Variants in VPS13D observed in about 807,000 individuals in gnomAD.
The protein encoded by VPS13D is intermembrane lipid transfer protein VPS13D.
Under a neutral mutation model 461.9 loss-of-function variants are expected in VPS13D, and 187 were observed. That is an observed-to-expected ratio of 0.40 (90% CI 0.36 to 0.46). The LOEUF is 0.46. Among genes scored for constraint, VPS13D ranks in the 20% least tolerant of loss-of-function variants. The pLI, the probability that VPS13D is intolerant of heterozygous loss-of-function variation, is 0.60. For missense variants in VPS13D, 4,711 were observed against 5,364.9 expected (o/e 0.88, Z 3.81); for synonymous variants, 1,951 against 1,986.3 (o/e 0.98, Z 0.47).
chr1:12,288,382 A>G, intron 22 of VPS13D, 69 bp downstream of exon 22: 1 of 1,375,776 alleles, frequency 7.3e-7, no homozygotes, highest in East Asian at 2.3e-5. Flanking sequence ...TGTGATCACA[A>G]ATTGATTGTC....
intron 67 of VPS13D, among the ~76,000 whole-genome samples, chr1:12,467,256 C>T (rs1021987921): frequency 6.6e-6 from 1 of 152,208 alleles, no homozygotes; most frequent in Non-Finnish European, 1.5e-5. Flanking sequence ...ACTGCATCCT[C>T]CACCTCCCGG....
chr1:12,275,791 A>G lies in VPS13D; in HGVS notation c.2237-34A>G, dbSNP rs771134390. 5 of 1,526,992 alleles carry G rather than the reference A, an allele frequency of 3.3e-6. No homozygotes were observed. In the South Asian group the frequency reaches 6.5e-5, roughly 20 times the overall value. The allele number at this position is 1,526,992 out of a possible 1,614,324, so 94.6% of individuals were successfully genotyped here. A position where few individuals can be genotyped will look rare whatever the true frequency, so the allele number is the denominator to read the frequency against. On this transcript the variant is annotated intron_variant, in intron 18 of 69. Coordinates refer to ENST00000620676, the MANE Select transcript of VPS13D (RefSeq NM_015378.4). Reference sequence around the variant, plus strand: ...AAGGGAAAGAGGAGGGAAATAGCAGACATATATTTGAATCTTCTTTTTTTT... The same window carrying G: ...AAGGGAAAGAGGAGGGAAATAGCAGGCATATATTTGAATCTTCTTTTTTTT...
rs141897147 is a variant in VPS13D at position 12,253,754 on chromosome 1, C to T, written c.597C>T (p.Asp199=). 3.7e-5 allele frequency: 59 copies of T among 1,613,968 alleles called. No individual in the cohort carries two copies. Among genetic ancestry groups the T allele is most frequent in the Non-Finnish European group, 4.3e-5 (51 of 1,179,992 alleles). ...AACTAATGCGGAAAAAGCAATTAGA[C>T]GTAGCAGAATTTAGCATCTATTGGG... ...VQKLMRKKQL[D]VAEFSIYWDV... Residue 199 remains aspartate (D), a synonymous_variant, in exon 7 of 70, where the codon GAC becomes GAT. Transcript: ENST00000620676.
chr1:12,266,858 A>G, intron 13 of VPS13D, 23 bp from the exon 14 acceptor site: 1 of 1,529,730 alleles, frequency 6.5e-7, no homozygotes, highest in African/African-American at 1.4e-5. Flanking sequence ...CATTGTATCA[A>G]CTATTTTATT....
Position 12,276,509 on chromosome 1 carries a change from ACATTTCTGTGCTCAAGGTGTTTGGTAC to A in VPS13D, c.2924_2950del (p.Ile975_Thr983del). The A allele has an allele frequency of 6.2e-7, 1 of 1,614,182 alleles. No individual in the cohort carries two copies. The highest frequency in any genetic ancestry group is 8.5e-7 in the Non-Finnish European group (1 of 1,180,032). On this transcript the variant is annotated inframe_deletion, in exon 19 of 70. Transcript: ENST00000620676. The surrounding 1 kb of genome is among the most constrained non-coding windows in gnomAD (Gnocchi z 4.5). Reference sequence around the variant, plus strand: ...CTTGGTGTTGAGAGCAATGGCCGGTACATTTCTGTGCTCAAGGTGTTTGGTACCAATGCTCACTTTGTGAAGAGGCCT... The same window carrying A: ...CTTGGTGTTGAGAGCAATGGCCGGTACAATGCTCACTTTGTGAAGAGGCCT...
At chr1:12,452,505 T>A (rs1255961168) in intron 65 of VPS13D, among the ~76,000 whole-genome samples, 1 of 152,250 alleles carries the variant, frequency 6.6e-6, no homozygotes, top group Non-Finnish European at 1.5e-5. Context: ...ACAGCCCACT[T>A]GTTTTCTGCT....
rs777743942 is a variant in VPS13D, at chr1:12,329,816, G to A, written c.8198-13G>A. 1.2e-6 allele frequency: 2 copies of A among 1,613,222 alleles called. No homozygotes were observed. The highest frequency in any genetic ancestry group is 1.7e-6 in the Non-Finnish European group (2 of 1,179,344). On this transcript the variant is annotated splice_polypyrimidine_tract_variant and intron_variant, in intron 36 of 69. Coordinates refer to ENST00000620676, the MANE Select transcript of VPS13D (RefSeq NM_015378.4). ...CTGCCCTGCCGCTGCAGTAAGGTTT[G>A]CTTTCATTGCAGGTCTGAATTTTCT...
At chr1:12,458,138 C>T (rs1244838872) in intron 66 of VPS13D, among the ~76,000 whole-genome samples, 1 of 152,166 alleles carries the variant, frequency 6.6e-6, no homozygotes, top group African/African-American at 2.4e-5. Flanking sequence ...TACAGCCTCT[C>T]CAGGAGCCAA....
intron 67 of VPS13D, among the ~76,000 whole-genome samples, chr1:12,490,497 G>A (rs1486783874): frequency 3.3e-5 from 5 of 152,358 alleles, no homozygotes; most frequent in East Asian, 3.9e-4. Context: ...TCTGTTTATG[G>A]AGAAGAAATG....
chr1:12,394,192 T>C (rs1033547295), intron 60 of VPS13D, among the ~76,000 whole-genome samples: 1 of 152,162 alleles, frequency 6.6e-6, no homozygotes, highest in Non-Finnish European at 1.5e-5. Context: ...GTCTGTAAAC[T>C]GGCTCAAGTC....
rs780184898 is a variant in VPS13D at position 12,403,981 on chromosome 1, G to A, written c.12030+8G>A. The A allele has an allele frequency of 6.4e-7, 1 of 1,568,076 alleles. No individual in the cohort carries two copies. Among genetic ancestry groups the A allele is most frequent in the South Asian group, 1.2e-5 (1 of 83,080 alleles). On this transcript the variant is annotated splice_region_variant and intron_variant, in intron 63 of 69. Transcript: ENST00000620676. ...CTCCCATTGGATCTTAAGGTGAGCT[G>A]CTATTTGGGTAAATTTTTTTAGATG... is the stretch of plus-strand genomic sequence containing the variant.
Position 12,310,833 on chromosome 1 carries a change from T to TTCCTTCCC in VPS13D, c.6651-605_6651-598dup, listed in dbSNP as rs1284417998. Among the ~76,000 whole-genome samples the TTCCTTCCC allele has an allele frequency of 9.9e-5, 5 of 50,348 alleles. No individual in the cohort carries two copies. The East Asian group carries it at 2.6e-3, about 26-fold the overall frequency. 33.0% of individuals were successfully genotyped at this position (50,348 alleles called of 152,430 possible). A position where few individuals can be genotyped will look rare whatever the true frequency, so the allele number is the denominator to read the frequency against. On this transcript the variant is annotated intron_variant, in intron 27 of 69. Transcript: ENST00000620676. The stretch of plus-strand genomic sequence containing the variant: ...CCTCCCTCCCTCCTTCCCTCCTTCC[T>TTCCTTCCC]TCCTTCCCTCCTTCCCTCCTTCCTT...
intron 67 of VPS13D, among the ~76,000 whole-genome samples, chr1:12,461,451 G>C (rs1210243291): frequency 6.6e-6 from 1 of 152,208 alleles, no homozygotes; most frequent in Non-Finnish European, 1.5e-5. Flanking sequence ...CCATCTGGAA[G>C]CAGCTGAGTA....
At chr1:12,303,227 G>A (rs149769055) in intron 25 of VPS13D, among the ~76,000 whole-genome samples, 3 of 152,256 alleles carry the variant, frequency 2.0e-5, no homozygotes, top group African/African-American at 7.2e-5. Flanking sequence ...TGAGTTCCAG[G>A]ACTCCTGTGT....
intron 65 of VPS13D, among the ~76,000 whole-genome samples, chr1:12,419,909 C>T (rs148690758): frequency 2.6e-5 from 4 of 152,272 alleles, no homozygotes; most frequent in East Asian, 3.9e-4. Context: ...CCTCGGCTAT[C>T]GGCTCCTAGG....
In VPS13D at chr1:12,441,087, G is replaced by A. The variant is rs181598851; in HGVS notation, c.12334-14911G>A. On this transcript the variant is annotated intron_variant, in intron 65 of 69. Coordinates refer to ENST00000620676, the MANE Select transcript of VPS13D (RefSeq NM_015378.4). ...ACTACAGGTATGCGCCACCATGCCC[G>A]GCTAATTTTTGTAATTTTAGTAGAG... Among the ~76,000 whole-genome samples the A allele has an allele frequency of 2.8e-4, 43 of 151,926 alleles. No individual in the cohort carries two copies. The East Asian group carries it at 7.4e-3, about 26-fold the overall frequency.
chr1:12,256,447 A>G lies in VPS13D; in HGVS notation c.784A>G (p.Ser262Gly), dbSNP rs1397120656. 1.9e-6 allele frequency: 3 copies of G among 1,614,060 alleles called. No homozygotes were observed. Among genetic ancestry groups the G allele is most frequent in the African/African-American group, 1.3e-5 (1 of 74,922 alleles). The change falls in exon 8 of 70, where the codon AGT becomes GGT. Residue 262 changes from serine (S) to glycine (G), a missense_variant. By Grantham distance (56) the Ser-to-Gly change is moderately conservative (BLOSUM62 0). This residue lies in a region of VPS13D where 4,411 missense variants were observed against 4,937.8 expected (regional missense o/e 0.89). Transcript: ENST00000620676. ...CAAGAAGCCCCTGCGGTCTCGGCAC[A>G]GTCCCCGTATTGATTGTGATATTCA... ...CSKKPLRSRH[S>G]PRIDCDIQLE... is the part of the protein sequence containing the mutation.
chr1:12,471,945 T>C (rs1241347381), intron 67 of VPS13D, among the ~76,000 whole-genome samples: 1 of 152,204 alleles, frequency 6.6e-6, no homozygotes, highest in African/African-American at 2.4e-5. Flanking sequence ...TATGTTCCTA[T>C]TGCTAATTTA....
chr1:12,286,942 C>T (rs1180233580), intron 21 of VPS13D, among the ~76,000 whole-genome samples: 1 of 152,182 alleles, frequency 6.6e-6, no homozygotes, highest in Non-Finnish European at 1.5e-5. Context: ...CCCACTGCAA[C>T]CTCTACCTCC....
Sources: allele counts gnomAD v4.1 joint callset (sites outside exome capture counted in the v4.1 genomes callset), GRCh38; gene constraint gnomAD v4.1.1; regional missense constraint gnomAD v4.1.1; non-coding constraint Gnocchi (gnomAD v3.1); transcripts MANE v1.5; gene names NCBI Gene and HGNC (gene_info 2026-07-23, HGNC 2026-07-21).